Variants in RNF19A observed in about 807,000 individuals in gnomAD.
The protein encoded by RNF19A is ring finger protein 19A, RBR E3 ubiquitin protein ligase.
In RNF19A, 32 loss-of-function variants were observed where a neutral mutation model predicts 75.7. That is an observed-to-expected ratio of 0.42 (90% CI 0.32 to 0.57). The LOEUF (loss-of-function observed/expected upper bound fraction) is 0.57, where lower values mean the gene tolerates loss of function less well. RNF19A is among the 20% of genes least tolerant of loss of function. The pLI, the probability that RNF19A is intolerant of heterozygous loss-of-function variation, is 0.10. For missense variants in RNF19A, 782 were observed against 1,036.3 expected (o/e 0.75, Z 3.37); for synonymous variants, 335 against 345.2 (o/e 0.97, Z 0.33).
chr8:100,334,444 C>A (rs1232061976), intron 1 of RNF19A, among the ~76,000 whole-genome samples: 3 of 152,202 alleles, frequency 2.0e-5, no homozygotes, highest in African/African-American at 7.2e-5. Context: ...TCTGTTCTTA[C>A]CTGCTAGCCT....
rs1563876050 is a variant in RNF19A, at chr8:100,325,725, A to G, written c.-243+10383T>C. 6.6e-6 allele frequency among the ~76,000 whole-genome samples: 1 copy of G among 152,010 alleles called. No homozygotes were observed. Among genetic ancestry groups the G allele is most frequent in the Non-Finnish European group, 1.5e-5 (1 of 68,004 alleles). On this transcript the variant is annotated intron_variant, in intron 1 of 3. Coordinates refer to the RNF19A transcript ENST00000519527. The surrounding 1 kb of genome is among the most constrained non-coding windows in gnomAD (Gnocchi z 4.3). ...TCAATATTGCAGAAAATATCTGTGG[A>G]TGTTTATGGATGGTATATGTATTTA... is the stretch of plus-strand genomic sequence containing the variant.
chr8:100,302,556 A>T (rs1202144736), intron 1 of RNF19A, among the ~76,000 whole-genome samples: 1 of 152,264 alleles, frequency 6.6e-6, no homozygotes, highest in Non-Finnish European at 1.5e-5. Flanking sequence ...TTAGGAAAAA[A>T]GTAAAGCCTA....
At chr8:100,335,915 G>A (rs772661494) in intron 1 of RNF19A, among the ~76,000 whole-genome samples, 1 of 152,240 alleles carries the variant, frequency 6.6e-6, no homozygotes, top group Non-Finnish European at 1.5e-5. Context: ...ACCCAAAGCA[G>A]CTATCCTATA....
upstream of RNF19A, chr8:100,310,182 G>A: frequency 7.1e-6 from 7 of 985,326 alleles, no homozygotes; most frequent in Non-Finnish European, 8.4e-6. Flanking sequence ...GCCCCAGCGC[G>A]CCGCCCGCGT....
rs1563828204 is a variant in RNF19A, at chr8:100,258,656, G to A, written c.2417C>T (p.Pro806Leu). ...ATCGCCAAAATATAAATCAACATTAGGTTTTATTCCATTGTTACCATGTTC... is the reference window on the plus strand; with the variant it reads ...ATCGCCAAAATATAAATCAACATTAAGTTTTATTCCATTGTTACCATGTTC... ...AEEHGNNGIK[P>L]NVDLYFGDAL... is the part of the protein sequence containing the mutation. The change falls in exon 10 of 10, where the codon CCT becomes CTT. Residue 806 changes from proline to leucine, a missense_variant. Physicochemically the swap from Pro to Leu is moderately conservative, Grantham distance 98 (BLOSUM62 -3). Transcript: ENST00000341084. This position sits in a 1 kb window ranked among gnomAD's most constrained non-coding sequence, Gnocchi z 4.3. 6.2e-7 allele frequency: 1 copy of A among 1,613,962 alleles called. No homozygotes were observed. The highest frequency in any genetic ancestry group is 2.2e-5 in the East Asian group (1 of 44,874).
rs1822638681 is a variant in RNF19A, at chr8:100,333,684, T to C, written c.-243+2424A>G. Among the ~76,000 whole-genome samples, 1 of 152,156 alleles carries C rather than the reference T, an allele frequency of 6.6e-6. No individual in the cohort carries two copies. Among genetic ancestry groups the C allele is most frequent in the East Asian group, 1.9e-4 (1 of 5,198 alleles). ...TTTTTAAAACAATAGCTGGGCATGG[T>C]GGTGTCTCCTGTAGTCCTAGCTACT... On this transcript the variant is annotated intron_variant, in intron 1 of 3. Transcript: ENST00000519527. This position sits in a 1 kb window ranked among gnomAD's most constrained non-coding sequence, Gnocchi z 4.7.
intron 1 of RNF19A, among the ~76,000 whole-genome samples, chr8:100,318,782 C>T (rs962451): frequency 0.32 from 49,237 of 152,094 alleles, 8,648 homozygotes; most frequent in East Asian, 0.41. Context: ...TTACATAGCC[C>T]AATTTGATAG....
chr8:100,319,944 T>TC (rs1822441925), intron 1 of RNF19A, among the ~76,000 whole-genome samples: 1 of 151,246 alleles, frequency 6.6e-6, no homozygotes, highest in African/African-American at 2.4e-5. Context: ...CAAGCAATTC[T>TC]CCTCCCTCAG....
At chr8:100,274,792 C>G (rs1369048181) in intron 3 of RNF19A, among the ~76,000 whole-genome samples, 161 bp downstream of exon 3, 1 of 152,164 alleles carries the variant, frequency 6.6e-6, no homozygotes, top group Non-Finnish European at 1.5e-5. Context: ...AATTTCAGAA[C>G]CACTTTCTTC....
At chr8:100,291,973 T>TC (rs1406696270) in intron 1 of RNF19A, among the ~76,000 whole-genome samples, 1 of 149,484 alleles carries the variant, frequency 6.7e-6, no homozygotes, top group Non-Finnish European at 1.5e-5. Flanking sequence ...AAGTCTTTTT[T>TC]TTTTTTTTTT....
In RNF19A at chr8:100,259,255, TAA is replaced by T; in HGVS notation, c.1827-11_1827-10del. On this transcript the variant is annotated splice_polypyrimidine_tract_variant and intron_variant, in intron 9 of 9. Transcript: ENST00000341084. This position sits in a 1 kb window ranked among gnomAD's most constrained non-coding sequence, Gnocchi z 4.5. ...CCATACTGTTGCCTTCTCTGAAATA[TAA>T]GAGTAACAAATACAAACATAATTGC... 6.3e-7 allele frequency: 1 copy of T among 1,592,922 alleles called. No individual in the cohort carries two copies. The highest frequency in any genetic ancestry group is 8.6e-7 in the Non-Finnish European group (1 of 1,168,792).
At position 100,284,185 on chromosome 8, in the gene RNF19A, G is replaced by T. The variant is rs188544993; in HGVS notation, c.674+3316C>A. Among the ~76,000 whole-genome samples, 308 of 152,206 alleles carry T rather than the reference G, an allele frequency of 2.0e-3. No individual in the cohort carries two copies. The highest frequency in any genetic ancestry group is 6.9e-3 in the African/African-American group (286 of 41,530). On this transcript the variant is annotated intron_variant, in intron 2 of 9. Coordinates refer to ENST00000341084, the MANE Select transcript of RNF19A (RefSeq NM_183419.4). The surrounding 1 kb of genome is among the most constrained non-coding windows in gnomAD (Gnocchi z 4.3). ...GAATTTTGCTAGTAATAGCATTAAA[G>T]ATCTCACTTAATCCTTATAACAACA... is the stretch of plus-strand genomic sequence containing the variant.
intron 1 of RNF19A, among the ~76,000 whole-genome samples, chr8:100,316,315 C>T (rs965919470): frequency 2.0e-5 from 3 of 152,144 alleles, no homozygotes; most frequent in African/African-American, 4.8e-5. Flanking sequence ...CTGCAAAGAG[C>T]GAAAGAACGA....
At position 100,287,913 on chromosome 8, in the gene RNF19A, C is replaced by A. The variant is rs376049627; in HGVS notation, c.262G>T (p.Val88Leu). The change falls in exon 2 of 10, where the codon GTG becomes TTG. Residue 88 changes from valine to leucine, a missense_variant. By Grantham distance (32) the Val-to-Leu change is conservative. Transcript: ENST00000341084. This position sits in a 1 kb window ranked among gnomAD's most constrained non-coding sequence, Gnocchi z 4.1. ...KRKSRELNGG[V>L]DGIASIESIH... ...CTTTCAATACTTGCAATTCCATCCA[C>A]CCCGCCATTTAGCTCCCTTGATTTA... 41 of 1,614,046 alleles carry A rather than the reference C, an allele frequency of 2.5e-5. No homozygotes were observed. Among genetic ancestry groups the A allele is most frequent in the Non-Finnish European group, 3.2e-5 (38 of 1,180,024 alleles).
intron 1 of RNF19A, among the ~76,000 whole-genome samples, chr8:100,297,017 T>C (rs1563860331): frequency 6.6e-6 from 1 of 152,226 alleles, no homozygotes; most frequent in Non-Finnish European, 1.5e-5. Context: ...ATCAATATTG[T>C]ATATTCAAAA....
At chr8:100,298,791 AAAGG>A (rs1821690478) in intron 1 of RNF19A, among the ~76,000 whole-genome samples, 2 of 152,244 alleles carry the variant, frequency 1.3e-5, no homozygotes, top group African/African-American at 4.8e-5. Context: ...GCTGCTGCAG[AAAGG>A]AATAAAGCAT....
At chr8:100,327,049 T>C (rs575964210) in intron 1 of RNF19A, among the ~76,000 whole-genome samples, 3 of 152,262 alleles carry the variant, frequency 2.0e-5, no homozygotes, top group Admixed American at 6.5e-5. Flanking sequence ...AATGATTCTA[T>C]GTGGATTGTC....
Position 100,259,935 on chromosome 8 carries a change from A to C in RNF19A, c.1745T>G (p.Val582Gly), listed in dbSNP as rs1227607854. ...ATTATCACTAACTGTTCCCAAGCTG[A>C]CTGTGCCAGATTCTCCACTTAGACT... ...RYSLSGESGTVSLGTVSDNAS... is the reference protein window; with the variant it reads ...RYSLSGESGTGSLGTVSDNAS... Residue 582 changes from valine to glycine, a missense_variant, in exon 9 of 10, where the codon GTC (valine) becomes GGC (glycine). Physicochemically the swap from Val to Gly is moderately radical, Grantham distance 109. Coordinates refer to ENST00000341084, the MANE Select transcript of RNF19A (RefSeq NM_183419.4). This position sits in a 1 kb window ranked among gnomAD's most constrained non-coding sequence, Gnocchi z 4.5. 1.2e-6 allele frequency: 2 copies of C among 1,613,922 alleles called. No homozygotes were observed. Among genetic ancestry groups the C allele is most frequent in the Admixed American group, 3.3e-5 (2 of 60,008 alleles).
At position 100,268,854 on chromosome 8, in the gene RNF19A, T is replaced by G. The variant is rs1820119641; in HGVS notation, c.1122A>C (p.Gly374=). ...QLGTLVGAPV[G]IALIAGIAIP... ...TAGCAATGCCAGCTATTAAAGCGAT[T>G]CCGACAGGAGCACCAACCAGTGTTC... is the stretch of plus-strand genomic sequence containing the variant. The change falls in exon 5 of 10, where the codon GGA becomes GGC. Residue 374 remains glycine (G), a synonymous_variant. Coordinates refer to ENST00000341084, the MANE Select transcript of RNF19A (RefSeq NM_183419.4). 7 of 1,604,218 alleles carry G rather than the reference T, an allele frequency of 4.4e-6. No homozygotes were observed. Among genetic ancestry groups the G allele is most frequent in the Non-Finnish European group, 6.0e-6 (7 of 1,174,274 alleles).
Sources: allele counts gnomAD v4.1 joint callset (sites outside exome capture counted in the v4.1 genomes callset), GRCh38; gene constraint gnomAD v4.1.1; non-coding constraint Gnocchi (gnomAD v3.1); transcripts MANE v1.5; gene names NCBI Gene and HGNC (gene_info 2026-07-23, HGNC 2026-07-21).